The following ATRNL1 variants were observed in gnomAD, a reference collection of about 807,000 sequenced individuals.
The protein encoded by ATRNL1 is attractin like 1.
Under a neutral mutation model 182.7 loss-of-function variants are expected in ATRNL1, and 95 were observed. The ratio of observed to expected loss-of-function variants is 0.52; its 90% CI spans 0.44 to 0.62. ATRNL1 has a LOEUF of 0.62. Among genes scored for constraint, ATRNL1 ranks in the 20% least tolerant of loss-of-function variants. The pLI, the probability that ATRNL1 is intolerant of heterozygous loss-of-function variation, is 0.00. For missense variants in ATRNL1, 1,471 were observed against 1,679.5 expected, an observed-to-expected ratio of 0.88 and a Z score of 2.17; for synonymous variants, 576 against 568.3, an observed-to-expected ratio of 1.01 and a Z score of -0.19.
intron 26 of ATRNL1, among the ~76,000 whole-genome samples, chr10:115,644,975 A>G (rs1859508601): frequency 6.6e-6 from 1 of 152,146 alleles, no homozygotes; most frequent in African/African-American, 2.4e-5. Context: ...AGTCACTTGC[A>G]AGATAGAAAG....
intron 18 of ATRNL1, among the ~76,000 whole-genome samples, chr10:115,330,490 G>C (rs1554934709): frequency 6.6e-6 from 1 of 151,848 alleles, no homozygotes; most frequent in Non-Finnish European, 1.5e-5. Flanking sequence ...GTTTTCTTCA[G>C]CTTTTGTTTA....
At chr10:115,474,751 A>G (rs1231897619) in intron 24 of ATRNL1, among the ~76,000 whole-genome samples, 3 of 151,448 alleles carry the variant, frequency 2.0e-5, no homozygotes, top group African/African-American at 7.3e-5. Context: ...AATTTTGACA[A>G]ACAATGAAAT....
intron 5 of ATRNL1, among the ~76,000 whole-genome samples, chr10:115,138,476 G>T (rs1452993158): frequency 6.6e-6 from 1 of 152,244 alleles, no homozygotes; most frequent in East Asian, 1.9e-4. Flanking sequence ...TCTAGGTGAA[G>T]GTTCCCAAAC....
At chr10:115,395,528 A>G (rs782568865) in intron 20 of ATRNL1, among the ~76,000 whole-genome samples, 1 of 151,832 alleles carries the variant, frequency 6.6e-6, no homozygotes, top group Non-Finnish European at 1.5e-5. Context: ...CTTTTCTTTC[A>G]TATTATACCT....
intron 1 of ATRNL1, among the ~76,000 whole-genome samples, chr10:115,102,149 A>C (rs1564735474): frequency 1.3e-5 from 2 of 152,284 alleles, no homozygotes; most frequent in Non-Finnish European, 1.5e-5. Context: ...CTGCAGTCTT[A>C]TCTGTTTATC....
intron 27 of ATRNL1, among the ~76,000 whole-genome samples, chr10:115,747,294 C>T (rs1555069411): frequency 2.0e-5 from 3 of 152,078 alleles, no homozygotes; most frequent in Non-Finnish European, 4.4e-5. Context: ...GTTAGAACAC[C>T]TTCCAATTCT....
intron 18 of ATRNL1, among the ~76,000 whole-genome samples, chr10:115,325,631 G>A (rs116104148): frequency 0.011 from 1,728 of 152,262 alleles, 29 homozygotes; most frequent in African/African-American, 0.039. Context: ...AGGAATACCA[G>A]TGATATGCTT....
intron 28 of ATRNL1, among the ~76,000 whole-genome samples, chr10:115,911,993 A>G (rs1342368137): frequency 1.3e-5 from 2 of 152,120 alleles, no homozygotes; most frequent in Non-Finnish European, 2.9e-5. Context: ...CCACTACACC[A>G]TGCGCTAACA....
chr10:115,177,877 T>TC (rs1164487235), intron 8 of ATRNL1, among the ~76,000 whole-genome samples: 1 of 151,030 alleles, frequency 6.6e-6, no homozygotes, highest in African/African-American at 2.4e-5. Flanking sequence ...AGCTGTGTTT[T>TC]TTTTTTTTTT....
intron 20 of ATRNL1, among the ~76,000 whole-genome samples, chr10:115,419,045 G>C (rs1845534747): frequency 6.6e-6 from 1 of 152,070 alleles, no homozygotes; most frequent in Non-Finnish European, 1.5e-5. Flanking sequence ...TATAAAGAAT[G>C]AACGACAAAA....
intron 24 of ATRNL1, among the ~76,000 whole-genome samples, chr10:115,479,569 C>T (rs1038236039): frequency 6.6e-6 from 1 of 151,260 alleles, no homozygotes; most frequent in African/African-American, 2.4e-5. Flanking sequence ...TTTAAATATC[C>T]TTAAGATCCT....
At chr10:115,539,273 A>G (rs1537840) in intron 25 of ATRNL1, among the ~76,000 whole-genome samples, 106,051 of 151,674 alleles carry the variant, frequency 0.7, 38,164 homozygotes, top group African/African-American at 0.79. Context: ...TAAAGGAAAA[A>G]CCTTTCCATT....
intron 28 of ATRNL1, among the ~76,000 whole-genome samples, chr10:115,904,187 G>T (rs1331556967): frequency 1.3e-5 from 2 of 152,140 alleles, no homozygotes; most frequent in African/African-American, 4.8e-5. Flanking sequence ...CATCAGGCAG[G>T]AATGGACCCT....
chr10:115,654,604 TA>T (rs1860221710), intron 26 of ATRNL1, among the ~76,000 whole-genome samples: 1 of 152,222 alleles, frequency 6.6e-6, no homozygotes, highest in Non-Finnish European at 1.5e-5. Context: ...ATTTTTTGAG[TA>T]AAAATTGTAA....
intron 28 of ATRNL1, among the ~76,000 whole-genome samples, chr10:115,905,699 G>A (rs534545954): frequency 1.2e-4 from 18 of 152,252 alleles, no homozygotes; most frequent in Admixed American, 5.9e-4. Context: ...TCCAGTAAAT[G>A]TTCTTGAAAA....
chr10:115,248,575 A>G (rs957572775), intron 10 of ATRNL1, among the ~76,000 whole-genome samples: 7 of 152,292 alleles, frequency 4.6e-5, no homozygotes, highest in Admixed American at 1.3e-4. Flanking sequence ...ATGTTAAGAC[A>G]CTATAAAATA....
At chr10:115,753,757 T>G (rs1440929405) in intron 27 of ATRNL1, among the ~76,000 whole-genome samples, 1 of 152,188 alleles carries the variant, frequency 6.6e-6, no homozygotes, top group Non-Finnish European at 1.5e-5. Flanking sequence ...CCACACTGTC[T>G]TCCACAATGG....
At chr10:115,231,598 G>A (rs1425522556) in intron 9 of ATRNL1, among the ~76,000 whole-genome samples, 3 of 152,072 alleles carry the variant, frequency 2.0e-5, no homozygotes, top group African/African-American at 7.2e-5. Context: ...AAGAAATGAT[G>A]CCAAAAATAA....
chr10:115,413,848 C>T (rs1845258385), intron 20 of ATRNL1, among the ~76,000 whole-genome samples: 1 of 151,940 alleles, frequency 6.6e-6, no homozygotes, highest in Non-Finnish European at 1.5e-5. Context: ...GCTTTTTGCT[C>T]TTTGAGGTAT....
Sources: gnomAD v4.1 joint callset for allele counts (sites outside exome capture counted in the v4.1 genomes callset) on GRCh38, gnomAD v4.1.1 for gene constraint, MANE v1.5 for transcripts, NCBI Gene and HGNC (gene_info 2026-07-23, HGNC 2026-07-21) for gene names.